The following NUP107 variants were observed in gnomAD, a reference collection of about 807,000 sequenced individuals.
NUP107 encodes the protein nucleoporin 107, also known as nuclear pore complex protein Nup107.
In NUP107, 101 loss-of-function variants were observed where a neutral mutation model predicts 141.0. That is an observed-to-expected ratio of 0.72 (90% CI 0.61 to 0.84). NUP107 has a LOEUF of 0.84. Among genes scored for constraint, NUP107 ranks in the 40% least tolerant of loss-of-function variants. NUP107 has a pLI of 0.00. For missense variants in NUP107, 941 were observed against 1,102.7 expected, an observed-to-expected ratio of 0.85 and a Z score of 2.08; for synonymous variants, 319 against 363.9, an observed-to-expected ratio of 0.88 and a Z score of 1.41.
At chr12:68,688,042 T>G (rs951505508) in intron 1 of NUP107, among the ~76,000 whole-genome samples, 2 of 152,216 alleles carry the variant, frequency 1.3e-5, no homozygotes, top group Non-Finnish European at 2.9e-5. Flanking sequence ...GAAAAAAAAG[T>G]ACGTGTAGCT....
intron 8 of NUP107, chr12:68,706,500 G>A: frequency 4.3e-6 from 3 of 690,934 alleles, no homozygotes; most frequent in Non-Finnish European, 5.3e-6. Flanking sequence ...AGGAGCTGCA[G>A]ACGCTGGCTT....
At chr12:68,724,720 G>T (rs1291403369) in intron 17 of NUP107, among the ~76,000 whole-genome samples, 1 of 152,248 alleles carries the variant, frequency 6.6e-6, no homozygotes, top group South Asian at 2.1e-4. Flanking sequence ...GGTGGAGGCT[G>T]CAGTGAGCCG....
chr12:68,741,746 T>A, intron 26 of NUP107, 67 bp from the exon 27 acceptor site: 5 of 1,472,332 alleles, frequency 3.4e-6, no homozygotes, highest in Non-Finnish European at 2.8e-6. Flanking sequence ...ATTCAGTACC[T>A]GGCTTTTCTT....
chr12:68,692,146 T>A (rs373007562), intron 5 of NUP107, 34 bp downstream of exon 5: 1 of 1,539,098 alleles, frequency 6.5e-7, no homozygotes, highest in African/African-American at 1.4e-5. Context: ...ACAAGTAGCT[T>A]TTCACTTTAG....
At chr12:68,739,995 T>C (rs1239378106) in intron 26 of NUP107, 1 of 152,224 alleles carries the variant, frequency 6.6e-6, no homozygotes, top group African/African-American at 2.4e-5. Flanking sequence ...ATTTGCTGGG[T>C]CTGTCAGCCA....
At chr12:68,732,871 T>TG (rs1877897262) in intron 23 of NUP107, 132 bp downstream of exon 23, 8 of 518,082 alleles carry the variant, frequency 1.5e-5, no homozygotes, top group South Asian at 6.4e-5. Flanking sequence ...TTTCTAGAGA[T>TG]GGGGTCTCAC....
chr12:68,687,173 G>T, intron 1 of NUP107, 100 bp downstream of exon 1: 2 of 1,528,192 alleles, frequency 1.3e-6, no homozygotes, highest in Admixed American at 1.7e-5. Context: ...AGCCAAGGAG[G>T]TCCCGGGTGC....
intron 26 of NUP107, among the ~76,000 whole-genome samples, chr12:68,738,977 T>A (rs985593384): frequency 2.6e-5 from 4 of 152,122 alleles, no homozygotes; most frequent in African/African-American, 4.8e-5. Flanking sequence ...CTTTTTTTTT[T>A]AAACTAACCC....
At chr12:68,693,682 G>T (rs530725100) in intron 5 of NUP107, among the ~76,000 whole-genome samples, 2 of 152,128 alleles carry the variant, frequency 1.3e-5, no homozygotes, top group Admixed American at 1.3e-4. Context: ...TATGGCAATG[G>T]TATTTGATAC....
chr12:68,733,636 G>T (rs748537729), intron 24 of NUP107, 24 bp downstream of exon 24: 1 of 1,584,206 alleles, frequency 6.3e-7, no homozygotes, highest in Admixed American at 1.9e-5. Context: ...GAAAGCCACA[G>T]ATGTGCCTAC....
intron 7 of NUP107, among the ~76,000 whole-genome samples, chr12:68,702,236 A>G (rs1876365790): frequency 6.6e-6 from 1 of 151,750 alleles, no homozygotes; most frequent in African/African-American, 2.4e-5. Flanking sequence ...TGATCCACCC[A>G]CCTCGGCCTC....
At chr12:68,702,573 C>A (rs948588170) in intron 7 of NUP107, among the ~76,000 whole-genome samples, 163 bp from the exon 8 acceptor site, 1 of 151,974 alleles carries the variant, frequency 6.6e-6, no homozygotes, top group African/African-American at 2.4e-5. Flanking sequence ...CCTGTTGTCC[C>A]ATTTTTGTTT....
intron 4 of NUP107, 87 bp from the exon 5 acceptor site, chr12:68,691,881 A>G (rs1875805851): frequency 4.5e-6 from 5 of 1,109,594 alleles, no homozygotes; most frequent in East Asian, 2.7e-5. Flanking sequence ...TATAATTTTT[A>G]GAAACCTTAT....
At chr12:68,707,801 T>C (rs1323557148) in intron 8 of NUP107, among the ~76,000 whole-genome samples, 2 of 152,130 alleles carry the variant, frequency 1.3e-5, no homozygotes, top group African/African-American at 4.8e-5. Flanking sequence ...ATTTAAAATA[T>C]ACTACAGCAT....
rs1420409826 is a variant in NUP107, at chr12:68,741,974, G to A, written c.2664G>A (p.Leu888=). The A allele has an allele frequency of 2.6e-5, 41 of 1,600,986 alleles. No homozygotes were observed. Among genetic ancestry groups the A allele is most frequent in the Non-Finnish European group, 3.0e-5 (35 of 1,172,432 alleles). Residue 888 remains leucine, a synonymous_variant, in exon 27 of 28, where the codon CTG becomes CTA. Coordinates refer to ENST00000229179, the MANE Select transcript of NUP107 (RefSeq NM_020401.4). ...ADMVSSERHK[L]YLVFSKEELR... is the part of the protein sequence containing the mutation. ...TGGTATCCTCTGAGCGCCACAAACT[G>A]TACCTGGTAAGTTCTAGAGCCTTGT...
chr12:68,705,503 TTAAC>T, intron 8 of NUP107: 1 of 275,132 alleles, frequency 3.6e-6, no homozygotes, highest in South Asian at 3.9e-5. Flanking sequence ...ATCCATGAAT[TTAAC>T]CAACTGCAGA....
rs1442851012 is a variant in NUP107, at chr12:68,744,808, A to ACACCAGAAGTGGTGGG, written c.*2351_*2366dup. ...AATTCCCAAATGCCTCTCTTCCTGAACACCAGAAGTGGTGGGCACCTGAGT... is the reference window on the plus strand; with the variant it reads ...AATTCCCAAATGCCTCTCTTCCTGAACACCAGAAGTGGTGGGCACCAGAAGTGGTGGGCACCTGAGT... On this transcript the variant is annotated 3_prime_UTR_variant, in exon 28 of 28. Transcript: ENST00000229179. 6 of 152,236 alleles carry ACACCAGAAGTGGTGGG rather than the reference A, an allele frequency of 3.9e-5. No homozygotes were observed. The highest frequency in any genetic ancestry group is 8.8e-5 in the Non-Finnish European group (6 of 68,046). The allele number at this position is 152,236 out of a possible 1,614,324, so 9.4% of individuals were successfully genotyped here.
rs746526796 is a variant in NUP107, at chr12:68,696,789, ATTCCTT to A, written c.449-27_449-22del. ...GAAGTACGTCACTTAACTTTTCTTT[ATTCCTT>A]TTTTTTTTTTTGATGTGTTCTAGCA... On this transcript the variant is annotated intron_variant, in intron 5 of 27. Transcript: ENST00000229179. 10 of 1,158,598 alleles carry A rather than the reference ATTCCTT, an allele frequency of 8.6e-6. No individual in the cohort carries two copies. In the Admixed American group the frequency reaches 1.2e-4, roughly 14 times the overall value. 71.8% of individuals were successfully genotyped at this position (1,158,598 alleles called of 1,614,324 possible).
intron 8 of NUP107, among the ~76,000 whole-genome samples, chr12:68,703,746 G>C (rs1381332301): frequency 6.6e-6 from 1 of 152,066 alleles, no homozygotes; most frequent in East Asian, 1.9e-4. Context: ...ACTGTGCCCG[G>C]CTTATACTGA....
Sources: allele counts gnomAD v4.1 joint callset (sites outside exome capture counted in the v4.1 genomes callset), GRCh38; gene constraint gnomAD v4.1.1; transcripts MANE v1.5; gene names NCBI Gene and HGNC (gene_info 2026-07-23, HGNC 2026-07-21).